Variants in RHPN1 observed in about 807,000 individuals in gnomAD.
The protein encoded by RHPN1 is rhophilin Rho GTPase binding protein 1, also known as rhophilin-1.
RHPN1 carries 77 observed loss-of-function variants against 74.7 expected under a neutral mutation model. The observed-to-expected ratio is 1.03, with a 90% CI of 0.86 to 1.25. The LOEUF (loss-of-function observed/expected upper bound fraction) is 1.25, where lower values mean the gene tolerates loss of function less well. Among genes scored for constraint, RHPN1 ranks in the 50% most tolerant of loss-of-function variants. The pLI, the probability that RHPN1 is intolerant of heterozygous loss-of-function variation, is 0.00. For synonymous variants in RHPN1, 444 were observed against 414.5 expected (o/e 1.07, Z -0.87); for missense variants, 987 against 932.2 (o/e 1.06, Z -0.77).
intron 1 of RHPN1, among the ~76,000 whole-genome samples, chr8:143,369,949 G>A (rs1350107959): frequency 6.6e-6 from 1 of 152,252 alleles, no homozygotes; most frequent in Non-Finnish European, 1.5e-5. Flanking sequence ...CACTGGGCTG[G>A]TGATGCTGAC....
At chr8:143,375,422 G>C in intron 1 of RHPN1, 131 bp from the exon 2 acceptor site, 1 of 613,814 alleles carries the variant, frequency 1.6e-6, no homozygotes, top group East Asian at 3.0e-5. Flanking sequence ...TGTGAGGCCA[G>C]CTCCAGCCCC....
chr8:143,372,571 GGCTGCCTGTGTCCCTCCCTCCA>G (rs1025852341), intron 1 of RHPN1, among the ~76,000 whole-genome samples: 8 of 151,932 alleles, frequency 5.3e-5, no homozygotes, highest in African/African-American at 1.5e-4. Context: ...CCCTCCTTCC[GGCTGCCTGTGTCCCTCCCTCCA>G]GCTGCCTGTG....
chr8:143,378,621 C>CA lies in RHPN1; in HGVS notation c.460-74dup, dbSNP rs1818456944. On this transcript the variant is annotated intron_variant, in intron 5 of 14. Transcript: ENST00000289013. ...CCCCGCCCCCCATGGTGCTGGTGCC[C>CA]ATGGGACTTCCCAGGGCAGTGTGTG... 1.1e-5 allele frequency: 17 copies of CA among 1,524,714 alleles called. 1 individual carries two copies. In the South Asian group the frequency reaches 2.1e-4, roughly 18 times the overall value. The allele number at this position is 1,524,714 out of a possible 1,614,324, so 94.4% of individuals were successfully genotyped here.
chr8:143,380,669 G>A lies in RHPN1; in HGVS notation c.1297G>A (p.Val433Met). 11 of 1,576,362 alleles carry A rather than the reference G, an allele frequency of 7.0e-6. No homozygotes were observed. Among genetic ancestry groups the A allele is most frequent in the Non-Finnish European group, 9.5e-6 (11 of 1,161,742 alleles). ...CGCCCTGTGCCGCGTCCTGCGCGAG[G>A]TGGACCTGCTTCGGGCTGTGATCTC... ...LHALCRVLRE[V>M]DLLRAVISQT... Residue 433 changes from valine to methionine, a missense_variant, in exon 11 of 15, where the codon GTG becomes ATG. Transcript: ENST00000289013.
At position 143,378,745 on chromosome 8, in the gene RHPN1, C is replaced by A. The variant is rs1450567167; in HGVS notation, c.509C>A (p.Ala170Asp). 1.3e-5 allele frequency: 21 copies of A among 1,589,520 alleles called. No homozygotes were observed. The highest frequency in any genetic ancestry group is 1.8e-5 in the Admixed American group (1 of 56,530). Residue 170 changes from alanine (A) to aspartate (D), a missense_variant, in exon 6 of 15, where the codon GCC becomes GAC. By Grantham distance (126) the Ala-to-Asp change is moderately radical. Transcript: ENST00000289013. ...RNESGLELLTAYYNQLCFLDA... is the reference protein window; with the variant it reads ...RNESGLELLTDYYNQLCFLDA... The stretch of plus-strand genomic sequence containing the variant: ...GAGTCGGGCCTGGAGCTGCTCACAG[C>A]CTATTACAACCAGCTGTGCTTCCTG...
At chr8:143,374,876 C>T (rs887502927) in intron 1 of RHPN1, among the ~76,000 whole-genome samples, 5 of 152,256 alleles carry the variant, frequency 3.3e-5, no homozygotes, top group Admixed American at 6.5e-5. Flanking sequence ...CCCACTCTTT[C>T]GCCATGGCTG....
intron 11 of RHPN1, 31 bp from the exon 12 acceptor site, chr8:143,381,237 C>A: frequency 6.3e-7 from 1 of 1,592,744 alleles, no homozygotes; most frequent in Non-Finnish European, 8.6e-7. Flanking sequence ...CCACAGTCTC[C>A]CAGCTTAGCT....
At chr8:143,378,459 T>G (rs1310258822) in intron 5 of RHPN1, 113 bp downstream of exon 5, 1 of 1,042,762 alleles carries the variant, frequency 9.6e-7, no homozygotes, top group African/African-American at 1.6e-5. Flanking sequence ...CTCGAGGACG[T>G]GGGGAGACGG....
At position 143,381,779 on chromosome 8, in the gene RHPN1, C is replaced by A. The variant is rs1172704603; in HGVS notation, c.1636-28C>A. On this transcript the variant is annotated intron_variant, in intron 13 of 14. Transcript: ENST00000289013. The stretch of plus-strand genomic sequence containing the variant: ...TGGTGCCAGCCAGGGTGTCCTGTCC[C>A]CACCTCACCGTCCAAGTCTCCCCAC... The A allele has an allele frequency of 5.0e-6, 8 of 1,607,718 alleles. No individual in the cohort carries two copies. In the African/African-American group the frequency reaches 5.3e-5, roughly 11 times the overall value.
At position 143,376,479 on chromosome 8, in the gene RHPN1, G is replaced by A. The variant is rs762543462; in HGVS notation, c.177-46G>A. ...CGGCTGCAGTGGGCACGGGGCCTTT[G>A]GCTCTGCCTTGGGGCTGGGCTTTCA... On this transcript the variant is annotated intron_variant, in intron 2 of 14. Transcript: ENST00000289013. 2.5e-6 allele frequency: 4 copies of A among 1,604,518 alleles called. No homozygotes were observed. In the South Asian group the frequency reaches 4.4e-5, roughly 18 times the overall value.
rs1364809420 is a variant in RHPN1, at chr8:143,382,548, G to A, written c.1910G>A (p.Trp637Ter). Residue 637 changes from tryptophan (W) to a stop codon, truncating the protein, a stop_gained, in exon 15 of 15, where the codon TGG becomes TAG. Coordinates refer to ENST00000289013, the MANE Select transcript of RHPN1 (RefSeq NM_052924.3). LOFTEE classifies it low-confidence loss of function (END_TRUNC). Reference protein sequence around the residue: ...TWASPRPLLNWSRKAQQGKTG... With the variant: ...TWASPRPLLN The stretch of plus-strand genomic sequence containing the variant: ...GCCAGTCCCCGGCCCCTCCTCAACT[G>A]GAGCCGAAAGGCCCAGCAGGGCAAG... 1.9e-6 allele frequency: 3 copies of A among 1,611,520 alleles called. No individual in the cohort carries two copies. The highest frequency in any genetic ancestry group is 2.7e-5 in the African/African-American group (2 of 74,906).
Position 143,377,391 on chromosome 8 carries a change from C to T in RHPN1, c.317C>T (p.Thr106Ile), listed in dbSNP as rs751771001. ...DPGRHGSEAVTVPMIPLGLKE... is the reference protein window; with the variant it reads ...DPGRHGSEAVIVPMIPLGLKE... ...GCTTCTGGTTACAGCGAAGCTGTCA[C>T]TGTCCCCATGATCCCCCTGGGCCTG... is the stretch of plus-strand genomic sequence containing the variant. The change falls in exon 4 of 15, where the codon ACT (threonine) becomes ATT (isoleucine). Residue 106 changes from threonine to isoleucine, a missense_variant. Transcript: ENST00000289013. 3.7e-6 allele frequency: 6 copies of T among 1,613,268 alleles called. No homozygotes were observed. In the South Asian group the frequency reaches 4.4e-5, roughly 12 times the overall value.
rs761089667 is a variant in RHPN1, at chr8:143,376,659, G to A, written c.305+6G>A. 6 of 1,560,804 alleles carry A rather than the reference G, an allele frequency of 3.8e-6. No individual in the cohort carries two copies. Among genetic ancestry groups the A allele is most frequent in the Non-Finnish European group, 5.2e-6 (6 of 1,152,810 alleles). On this transcript the variant is annotated splice_donor_region_variant and intron_variant, in intron 3 of 14. Transcript: ENST00000289013. ...GACCCTGGCCGGCATGGGAGGTGCGGGTGGGGGCCGGGACAGCACGTGCGT... is the reference window on the plus strand; with the variant it reads ...GACCCTGGCCGGCATGGGAGGTGCGAGTGGGGGCCGGGACAGCACGTGCGT...
rs767972746 is a variant in RHPN1, at chr8:143,379,075, G to A, written c.748G>A (p.Ala250Thr). 13 of 1,509,826 alleles carry A rather than the reference G, an allele frequency of 8.6e-6. No individual in the cohort carries two copies. The highest frequency in any genetic ancestry group is 5.6e-5 in the African/African-American group (4 of 71,560). The allele number at this position is 1,509,826 out of a possible 1,614,324, so 93.5% of individuals were successfully genotyped here. ...RRAMEAFQRA[A>T]GAFSLLRENF... ...CGCTATGGAGGCCTTCCAGAGGGCCGCTGGTGAGGGCGGCCCGGGCCGCGG... is the reference window on the plus strand; with the variant it reads ...CGCTATGGAGGCCTTCCAGAGGGCCACTGGTGAGGGCGGCCCGGGCCGCGG... The change falls in exon 7 of 15, where the codon GCT (alanine) becomes ACT (threonine). Residue 250 changes from alanine (A) to threonine (T), a missense_variant. Ala to Thr is a moderately conservative substitution (Grantham distance 58). Transcript: ENST00000289013.
rs777736728 is a variant in RHPN1, at chr8:143,380,603, A to C, written c.1231A>C (p.Lys411Gln). The change falls in exon 11 of 15, where the codon AAG (lysine) becomes CAG (glutamine). Residue 411 changes from lysine (K) to glutamine (Q), a missense_variant. Coordinates refer to ENST00000289013, the MANE Select transcript of RHPN1 (RefSeq NM_052924.3). ...ERRQLGKAHL[K>Q]RAILGQEEAL... Reference sequence around the variant, plus strand: ...CCCGCGTGCAGGCAAGGCACACCTGAAGCGTGCCATCCTGGGGCAGGAGGA... The same window carrying C: ...CCCGCGTGCAGGCAAGGCACACCTGCAGCGTGCCATCCTGGGGCAGGAGGA... The C allele has an allele frequency of 6.5e-7, 1 of 1,530,314 alleles. No homozygotes were observed. The highest frequency in any genetic ancestry group is 1.2e-5 in the South Asian group (1 of 81,800). 94.8% of individuals were successfully genotyped at this position (1,530,314 alleles called of 1,614,324 possible).
At chr8:143,380,840 G>A (rs1294009736) in intron 11 of RHPN1, 57 bp downstream of exon 11, 20 of 1,370,502 alleles carry the variant, frequency 1.5e-5, no homozygotes, top group South Asian at 5.9e-5. Context: ...GGGGGCCTTC[G>A]TCCTGGAGAA....
At chr8:143,375,730 A>G in intron 2 of RHPN1, 62 bp downstream of exon 2, 1 of 1,284,994 alleles carries the variant, frequency 7.8e-7, no homozygotes, top group Non-Finnish European at 1.1e-6. Flanking sequence ...GGGGCAGGAC[A>G]GCCACGCAGG....
intron 1 of RHPN1, among the ~76,000 whole-genome samples, chr8:143,369,740 G>T (rs185167231): frequency 4.6e-5 from 7 of 152,150 alleles, no homozygotes; most frequent in Non-Finnish European, 8.8e-5. Flanking sequence ...GGCCCTGGGC[G>T]CCCACGCCCG....
At chr8:143,368,573 T>G (rs1345211934), upstream of RHPN1, 1 of 154,028 alleles carries the variant, frequency 6.5e-6, no homozygotes, top group Non-Finnish European at 1.4e-5. Flanking sequence ...TATAGTTTTT[T>G]TCTCCGTTTC....
Sources: allele counts gnomAD v4.1 joint callset (sites outside exome capture counted in the v4.1 genomes callset), GRCh38; gene constraint gnomAD v4.1.1; transcripts MANE v1.5; gene names NCBI Gene and HGNC (gene_info 2026-07-23, HGNC 2026-07-21).